The following SUGCT variants were observed in gnomAD, a reference collection of about 807,000 sequenced individuals.
The protein encoded by SUGCT is succinyl-CoA:glutarate CoA-transferase.
A neutral mutation model predicts 55.0 loss-of-function variants in SUGCT; 41 were observed. The observed-to-expected ratio is 0.74, with a 90% CI of 0.58 to 0.97. The LOEUF (loss-of-function observed/expected upper bound fraction) is 0.97. SUGCT is among the 50% of genes least tolerant of loss of function. The pLI is 0.00. For missense variants in SUGCT, 568 were observed against 547.8 expected, an observed-to-expected ratio of 1.04 and a Z score of -0.37; for synonymous variants, 187 against 200.4, an observed-to-expected ratio of 0.93 and a Z score of 0.56.
chr7:40,806,857 G>C (rs1791124079), intron 13 of SUGCT, among the ~76,000 whole-genome samples: 1 of 152,288 alleles, frequency 6.6e-6, no homozygotes, highest in East Asian at 1.9e-4. Flanking sequence ...TGAGGATGAG[G>C]GAATCTGTAT....
In SUGCT at chr7:40,781,947, C is replaced by CA. The variant is rs949160687; in HGVS notation, c.1153+32459dup. On this transcript the variant is annotated intron_variant, in intron 13 of 13. Transcript: ENST00000335693. ...GTATGAGACGTAAGCCTCCCCCTAC[C>CA]AAAAAAAAAGTCTAGAAGGAAATAT... 3.7e-3 allele frequency among the ~76,000 whole-genome samples: 553 copies of CA among 149,560 alleles called. 5 individuals carry two copies. The highest frequency in any genetic ancestry group is 0.013 in the African/African-American group (521 of 40,892).
the SUGCT span, among the ~76,000 whole-genome samples, chr7:40,943,742 G>A: frequency 2.8e-3 from 432 of 152,006 alleles, 4 homozygotes; most frequent in South Asian, 0.018. Flanking sequence ...ATAAACATAC[G>A]TGTTCACGTG....
At chr7:40,891,743 C>T in the SUGCT span, among the ~76,000 whole-genome samples, 2 of 152,146 alleles carry the variant, frequency 1.3e-5, no homozygotes, top group African/African-American at 4.8e-5. Context: ...AGTGAGGTGG[C>T]TCTCACCTAT....
chr7:40,832,566 T>TTG (rs1462964909), intron 13 of SUGCT, among the ~76,000 whole-genome samples: 2 of 151,422 alleles, frequency 1.3e-5, no homozygotes, highest in Non-Finnish European at 2.9e-5. Flanking sequence ...TTTTTTGTTT[T>TTG]TTTTTTTTCC....
At chr7:40,435,780 A>G (rs2151395134) in intron 9 of SUGCT, among the ~76,000 whole-genome samples, 2 of 151,996 alleles carry the variant, frequency 1.3e-5, no homozygotes, top group Middle Eastern at 6.8e-3. Flanking sequence ...TTTGGTGCTG[A>G]GTTTCTGAGC....
intron 13 of SUGCT, among the ~76,000 whole-genome samples, chr7:40,828,630 A>G (rs1009263798): frequency 6.6e-6 from 1 of 152,164 alleles, no homozygotes; most frequent in African/African-American, 2.4e-5. Flanking sequence ...AAAAGATACA[A>G]AAGAATACAA....
At chr7:40,789,310 A>C (rs1382942087) in intron 13 of SUGCT, among the ~76,000 whole-genome samples, 2 of 151,958 alleles carry the variant, frequency 1.3e-5, no homozygotes, top group African/African-American at 4.8e-5. Context: ...CTACTCTCTG[A>C]TTTTGTGAAT....
intron 1 of SUGCT, among the ~76,000 whole-genome samples, chr7:40,171,253 GGAGAAAAA>G (rs1288942913): frequency 6.6e-6 from 1 of 152,234 alleles, no homozygotes; most frequent in Non-Finnish European, 1.5e-5. Context: ...AGAAGAGCAA[GGAGAAAAA>G]GATGGGTTTG....
At position 40,461,691 on chromosome 7, in the gene SUGCT, T is replaced by A. The variant is rs58500309; in HGVS notation, c.986+2493T>A. On this transcript the variant is annotated intron_variant, in intron 11 of 13. Coordinates refer to ENST00000335693, the MANE Select transcript of SUGCT (RefSeq NM_001193313.2). ...CAACATTCTCGTCTTGCTCAGCACA[T>A]GCATTACACAGCCACCTCAGAACTT... Among the ~76,000 whole-genome samples the A allele has an allele frequency of 6.4e-3, 976 of 152,302 alleles. 40 individuals carry two copies. The East Asian group carries it at 0.092, about 14-fold the overall frequency.
At chr7:40,978,363 G>A in the SUGCT span, among the ~76,000 whole-genome samples, 1 of 152,206 alleles carries the variant, frequency 6.6e-6, no homozygotes, top group East Asian at 1.9e-4. Flanking sequence ...CAATGTCCTG[G>A]CAAGGACAGC....
At chr7:41,032,729 T>C in the SUGCT span, among the ~76,000 whole-genome samples, 1 of 152,180 alleles carries the variant, frequency 6.6e-6, no homozygotes, top group Non-Finnish European at 1.5e-5. Flanking sequence ...TGAGTGCTTT[T>C]CAGTGGGGTA....
At chr7:40,350,226 G>T (rs1163289392) in intron 9 of SUGCT, among the ~76,000 whole-genome samples, 2 of 150,768 alleles carry the variant, frequency 1.3e-5, no homozygotes, top group African/African-American at 4.9e-5. Context: ...ATTACAATTT[G>T]ATTTTTAAAA....
chr7:40,459,496 G>A (rs1239764873), intron 11 of SUGCT, among the ~76,000 whole-genome samples: 1 of 152,066 alleles, frequency 6.6e-6, no homozygotes, highest in Non-Finnish European at 1.5e-5. Flanking sequence ...TTTGGGTTTA[G>A]TTTATCATAA....
intron 13 of SUGCT, among the ~76,000 whole-genome samples, chr7:40,785,712 GT>G (rs755347634): frequency 7.2e-5 from 11 of 152,092 alleles, no homozygotes; most frequent in Non-Finnish European, 1.5e-4. Context: ...AAATTGGTGG[GT>G]TTCAGAGTGA....
In SUGCT at chr7:40,518,731, T is replaced by C. The variant is rs147903073; in HGVS notation, c.1089+22345T>C. Among the ~76,000 whole-genome samples, 563 of 152,046 alleles carry C rather than the reference T, an allele frequency of 3.7e-3. 12 individuals carry two copies. The highest frequency in any genetic ancestry group is 0.022 in the East Asian group (116 of 5,168). On this transcript the variant is annotated intron_variant, in intron 12 of 13. Transcript: ENST00000335693. ...ATTCCAGGGTGGGTACAGGAAACCA[T>C]CTAAAATATGTCTGAAAGTCTAGTG...
chr7:40,580,934 G>C (rs1797055643), intron 12 of SUGCT, among the ~76,000 whole-genome samples: 1 of 152,162 alleles, frequency 6.6e-6, no homozygotes, highest in African/African-American at 2.4e-5. Flanking sequence ...TGCAGTCTAT[G>C]ATGTTTGCAA....
intron 12 of SUGCT, among the ~76,000 whole-genome samples, chr7:40,706,484 C>T (rs555737065): frequency 6.6e-5 from 10 of 152,150 alleles, no homozygotes; most frequent in African/African-American, 1.4e-4. Context: ...CCAACCTGAG[C>T]GACAGAGCGA....
At chr7:40,720,852 G>C (rs1786291457) in intron 12 of SUGCT, among the ~76,000 whole-genome samples, 1 of 152,170 alleles carries the variant, frequency 6.6e-6, no homozygotes, top group Non-Finnish European at 1.5e-5. Flanking sequence ...AAGCTTTACA[G>C]CATGTTACAT....
chr7:40,601,786 T>C (rs1012655041), intron 12 of SUGCT, among the ~76,000 whole-genome samples: 14 of 152,012 alleles, frequency 9.2e-5, no homozygotes, highest in African/African-American at 3.4e-4. Flanking sequence ...GTGTATTTTA[T>C]GTGTGGCCCA....
Sources: allele counts gnomAD v4.1 joint callset (sites outside exome capture counted in the v4.1 genomes callset), GRCh38; gene constraint gnomAD v4.1.1; transcripts MANE v1.5; gene names NCBI Gene and HGNC (gene_info 2026-07-23, HGNC 2026-07-21).